Variants in SPATA6L observed in about 807,000 individuals in gnomAD.
SPATA6L encodes spermatogenesis associated 6 like, also known as spermatogenesis associated 6-like protein.
SPATA6L carries 68 observed loss-of-function variants against 49.2 expected under a neutral mutation model. That is an observed-to-expected ratio of 1.38 (90% CI 1.14 to 1.69). The LOEUF (loss-of-function observed/expected upper bound fraction) is 1.69. Ranked by LOEUF, SPATA6L falls within the 40% of genes most tolerant of loss-of-function variation. The pLI is 0.00. For missense variants in SPATA6L, 668 were observed against 464.3 expected (o/e 1.44, Z -4.03); for synonymous variants, 198 against 165.7 (o/e 1.19, Z -1.50).
intron 9 of SPATA6L, among the ~76,000 whole-genome samples, chr9:4,610,492 G>A (rs1171145696): frequency 1.0e-4 from 14 of 133,628 alleles, no homozygotes; most frequent in South Asian, 8.1e-4. Flanking sequence ...AAATAATGCC[G>A]CATATCTACA....
intron 9 of SPATA6L, among the ~76,000 whole-genome samples, chr9:4,615,744 G>A (rs1175712755): frequency 6.6e-6 from 1 of 152,188 alleles, no homozygotes; most frequent in African/African-American, 2.4e-5. Context: ...GTGGAAAGCA[G>A]AGACATGTCA....
At chr9:4,645,139 C>G (rs1273236307) in intron 3 of SPATA6L, among the ~76,000 whole-genome samples, 1 of 152,120 alleles carries the variant, frequency 6.6e-6, no homozygotes, top group African/African-American at 2.4e-5. Flanking sequence ...TATTTCCAAC[C>G]ATTTAAAAAT....
chr9:4,626,315 T>C (rs1239896718), intron 5 of SPATA6L: 2 of 1,177,208 alleles, frequency 1.7e-6, no homozygotes, highest in Non-Finnish European at 2.2e-6. Context: ...CAGAGCCCCC[T>C]GTTCAGATTT....
rs768409051 is a variant in SPATA6L at position 4,604,262 on chromosome 9, G to A, written c.1097C>T (p.Ser366Phe). 6.9e-6 allele frequency: 11 copies of A among 1,603,062 alleles called. No individual in the cohort carries two copies. The highest frequency in any genetic ancestry group is 3.3e-5 in the South Asian group (3 of 90,552). ...RAQLHQNKED[S>F]TSEVNYIIER... ...AATGATATAATTTACTTCAGAGGTA[G>A]AATCTTCCTACAATAAAAACAAATC... Residue 366 changes from serine to phenylalanine, a missense_variant, in exon 11 of 12, where the codon TCT (serine) becomes TTT (phenylalanine). Coordinates refer to ENST00000682582, the MANE Select transcript of SPATA6L (RefSeq NM_001353486.2).
At chr9:4,666,128 T>A in intron 1 of SPATA6L, 84 bp downstream of exon 1, 1 of 1,184,960 alleles carries the variant, frequency 8.4e-7, no homozygotes, top group Non-Finnish European at 1.3e-6. Context: ...AAGTGGGGGA[T>A]GTGGGGGAGG....
chr9:4,642,681 T>C (rs1171061330), intron 3 of SPATA6L, among the ~76,000 whole-genome samples: 1 of 151,570 alleles, frequency 6.6e-6, no homozygotes, highest in East Asian at 1.9e-4. Flanking sequence ...TAGTCTCATC[T>C]TCCTTCTCCC....
intron 2 of SPATA6L, among the ~76,000 whole-genome samples, chr9:4,658,466 A>C (rs1456128012): frequency 6.6e-6 from 1 of 152,214 alleles, no homozygotes; most frequent in Non-Finnish European, 1.5e-5. Context: ...ATATGAACCC[A>C]AACAACTCAT....
At chr9:4,660,073 A>T (rs1839250591) in intron 2 of SPATA6L, among the ~76,000 whole-genome samples, 1 of 152,274 alleles carries the variant, frequency 6.6e-6, no homozygotes, top group Non-Finnish European at 1.5e-5. Context: ...AAACCATAAA[A>T]ACCCTAGAAG....
intron 10 of SPATA6L, among the ~76,000 whole-genome samples, chr9:4,604,525 G>C (rs1353501399): frequency 6.6e-6 from 1 of 152,146 alleles, no homozygotes; most frequent in Non-Finnish European, 1.5e-5. Flanking sequence ...TAGGATTATA[G>C]ATTTGAGCCC....
At chr9:4,597,808 C>T (rs1276738508), downstream of SPATA6L, among the ~76,000 whole-genome samples, 1 of 152,164 alleles carries the variant, frequency 6.6e-6, no homozygotes, top group African/African-American at 2.4e-5. Context: ...ACAGCAGTCC[C>T]ATCCGGTGGT....
In SPATA6L at chr9:4,604,186, A is replaced by G. The variant is rs750183323; in HGVS notation, c.1173T>C (p.Tyr391=). Residue 391 remains tyrosine, a synonymous_variant, in exon 11 of 12, where the codon TAT becomes TAC. Transcript: ENST00000682582. ...LKKYSLHEQR[Y]F ...ACTTACATAAGACAGTACCTTAAAA[A>G]TATCTCTGTTCATGCAGTGAGTATT... 3 of 1,608,134 alleles carry G rather than the reference A, an allele frequency of 1.9e-6. No homozygotes were observed. The highest frequency in any genetic ancestry group is 1.3e-5 in the African/African-American group (1 of 74,868).
intron 3 of SPATA6L, among the ~76,000 whole-genome samples, chr9:4,648,976 T>G (rs1587421930): frequency 6.6e-6 from 1 of 152,134 alleles, no homozygotes; most frequent in East Asian, 1.9e-4. Context: ...AGTCTCCAAT[T>G]TCATCCAGGT....
At chr9:4,660,697 T>C (rs1839441287) in intron 2 of SPATA6L, among the ~76,000 whole-genome samples, 1 of 152,174 alleles carries the variant, frequency 6.6e-6, no homozygotes. Flanking sequence ...ACCCAAAGGA[T>C]TATAAATCAT....
Position 4,651,020 on chromosome 9 carries a change from T to A in SPATA6L, c.226+5021A>T, listed in dbSNP as rs190028291. ...CCCGGCGTAGAAATAATTTTTTTTT[T>A]AAGACAGAGTCCTGCTCTGTCACCC... On this transcript the variant is annotated intron_variant, in intron 3 of 11. Transcript: ENST00000682582. 8.5e-5 allele frequency among the ~76,000 whole-genome samples: 13 copies of A among 152,170 alleles called. No homozygotes were observed. In the East Asian group the frequency reaches 2.1e-3, roughly 25 times the overall value.
chr9:4,653,982 G>A (rs1006679680), intron 3 of SPATA6L, among the ~76,000 whole-genome samples: 2 of 152,056 alleles, frequency 1.3e-5, no homozygotes, highest in South Asian at 2.1e-4. Flanking sequence ...TAAAAAGTAG[G>A]CAAAGGATCT....
intron 13 of SPATA6L, among the ~76,000 whole-genome samples, chr9:4,591,425 G>A (rs1459098872): frequency 2.6e-5 from 4 of 152,158 alleles, no homozygotes; most frequent in South Asian, 2.1e-4. Context: ...TATCCTGTCC[G>A]GGTCTTTAGG....
chr9:4,612,187 C>A (rs1336282865), intron 9 of SPATA6L, among the ~76,000 whole-genome samples: 1 of 152,064 alleles, frequency 6.6e-6, no homozygotes, highest in Non-Finnish European at 1.5e-5. Flanking sequence ...GCTGTCCAGG[C>A]TGGTCTCAAA....
At chr9:4,592,309 C>G (rs1586891616) in intron 13 of SPATA6L, among the ~76,000 whole-genome samples, 1 of 94,502 alleles carries the variant, frequency 1.1e-5, no homozygotes, top group African/African-American at 3.7e-5. Flanking sequence ...AGGGAGACTC[C>G]ATCTCAAAAA....
chr9:4,619,473 C>G (rs985257908), intron 7 of SPATA6L, among the ~76,000 whole-genome samples: 1 of 152,014 alleles, frequency 6.6e-6, no homozygotes, highest in African/African-American at 2.4e-5. Context: ...AATGACAGCA[C>G]ATGTGGAAGG....
Sources: allele counts gnomAD v4.1 joint callset (sites outside exome capture counted in the v4.1 genomes callset), GRCh38; gene constraint gnomAD v4.1.1; transcripts MANE v1.5; gene names NCBI Gene and HGNC (gene_info 2026-07-23, HGNC 2026-07-21).